Variants in MYO7A observed in about 807,000 individuals in gnomAD.
MYO7A encodes the protein unconventional myosin-VIIa.
MYO7A carries 210 observed loss-of-function variants against 263.8 expected under a neutral mutation model. That is an observed-to-expected ratio of 0.80 (90% CI 0.71 to 0.89). The LOEUF (loss-of-function observed/expected upper bound fraction) is 0.89, where lower values mean the gene tolerates loss of function less well. MYO7A is among the 40% of genes least tolerant of loss of function. MYO7A has a pLI of 0.00. For missense variants in MYO7A, 2,820 were observed against 2,968.3 expected (o/e 0.95, Z 1.16); for synonymous variants, 1,239 against 1,197.3 (o/e 1.03, Z -0.72).
chr11:77,144,423 G>A (rs376916368), intron 3 of MYO7A, among the ~76,000 whole-genome samples: 226 of 152,276 alleles, frequency 1.5e-3, no homozygotes, highest in African/African-American at 4.8e-3. Flanking sequence ...CCGTAACTGC[G>A]TCACCGAATC....
intron 2 of MYO7A, 50 bp downstream of exon 2, chr11:77,130,702 C>A: frequency 6.2e-7 from 1 of 1,602,602 alleles, no homozygotes. Flanking sequence ...GGCCATATCC[C>A]CTCATCCATA....
intron 18 of MYO7A, 143 bp from the exon 19 acceptor site, chr11:77,177,406 G>T: frequency 1.5e-6 from 1 of 671,662 alleles, no homozygotes. Flanking sequence ...TGCCCCAGGG[G>T]CCAGAGCCAG....
intron 48 of MYO7A, among the ~76,000 whole-genome samples, chr11:77,214,252 C>A (rs553928031): frequency 2.0e-5 from 3 of 152,292 alleles, no homozygotes; most frequent in Middle Eastern, 3.4e-3. Context: ...AGCCCTTTAG[C>A]CCCCCGAGTT....
At chr11:77,158,179 T>C in intron 8 of MYO7A, 98 bp from the exon 9 acceptor site, 1 of 1,378,100 alleles carries the variant, frequency 7.3e-7, no homozygotes, top group Non-Finnish European at 9.6e-7. Context: ...GCCTGGCCTG[T>C]CAGGCAGAAA....
intron 1 of MYO7A, 26 bp from the exon 2 acceptor site, chr11:77,130,563 G>A (rs782628098): frequency 3.7e-5 from 59 of 1,582,850 alleles, no homozygotes; most frequent in Non-Finnish European, 4.9e-5. Flanking sequence ...CTGCCCAGAA[G>A]CATGACATGG....
chr11:77,182,323 G>C, intron 24 of MYO7A, 101 bp from the exon 25 acceptor site: 1 of 1,451,312 alleles, frequency 6.9e-7, no homozygotes, highest in South Asian at 1.4e-5. Context: ...CTGACCATGC[G>C]GGAGGGGGTG....
intron 27 of MYO7A, among the ~76,000 whole-genome samples, chr11:77,186,610 T>G (rs1453858376): frequency 6.6e-6 from 1 of 152,240 alleles, no homozygotes; most frequent in Non-Finnish European, 1.5e-5. Context: ...GCAACTTCCT[T>G]ACCTCTCTCA....
chr11:77,158,154 TG>T, intron 8 of MYO7A, 122 bp from the exon 9 acceptor site: 1 of 1,156,662 alleles, frequency 8.6e-7, no homozygotes, highest in Non-Finnish European at 1.2e-6. Flanking sequence ...GGTCAGCGCC[TG>T]GGGCCCCGGG....
chr11:77,212,063 G>T, intron 46 of MYO7A, 126 bp downstream of exon 46: 1 of 809,794 alleles, frequency 1.2e-6, no homozygotes. Context: ...AGGGAAGGAG[G>T]GCAGCACCCT....
At position 77,204,176 on chromosome 11, in the gene MYO7A, G is replaced by A. The variant is rs1236366063; in HGVS notation, c.5427G>A (p.Leu1809=). ...AGGGTCCCCTGAAAGCCGAGCCCCT[G>A]AAGGACGAGGCATATGTGCAGATCC... is the stretch of plus-strand genomic sequence containing the variant. ...IFEGPLKAEP[L]KDEAYVQILK... Residue 1809 remains leucine, a synonymous_variant, in exon 39 of 49, where the codon CTG becomes CTA. Transcript: ENST00000409709. The A allele has an allele frequency of 6.3e-7, 1 of 1,587,868 alleles. No homozygotes were observed.
intron 4 of MYO7A, among the ~76,000 whole-genome samples, chr11:77,154,207 G>A (rs1952230039): frequency 1.3e-5 from 2 of 152,214 alleles, no homozygotes; most frequent in African/African-American, 4.8e-5. Context: ...AGGGAGGTGG[G>A]TGTTAACCTC....
At chr11:77,184,438 C>T in intron 26 of MYO7A, 150 bp from the exon 27 acceptor site, 1 of 677,014 alleles carries the variant, frequency 1.5e-6, no homozygotes, top group South Asian at 1.8e-5. Context: ...GTGCACGTGG[C>T]AGGGGTAATG....
chr11:77,183,328 G>A (rs1052542004), intron 26 of MYO7A, among the ~76,000 whole-genome samples, 171 bp downstream of exon 26: 3 of 152,116 alleles, frequency 2.0e-5, no homozygotes, highest in African/African-American at 4.8e-5. Flanking sequence ...GTTGGTGGGC[G>A]ATCAGGCAGA....
chr11:77,145,686 A>C (rs12808416), intron 3 of MYO7A, among the ~76,000 whole-genome samples: 14,178 of 152,244 alleles, frequency 0.093, 771 homozygotes, highest in Middle Eastern at 0.24. Flanking sequence ...CAGGTTCCCT[A>C]ACAGTACCCA....
chr11:77,139,324 A>T (rs1951064745), intron 2 of MYO7A: 1 of 152,226 alleles, frequency 6.6e-6, no homozygotes, highest in Non-Finnish European at 1.5e-5. Context: ...CCATTCTAGG[A>T]AGGCACGACT....
rs531908344 is a variant in MYO7A, at chr11:77,204,178, A to G, written c.5429A>G (p.Lys1810Arg). Residue 1810 changes from lysine to arginine, a missense_variant, in exon 39 of 49, where the codon AAG becomes AGG. By Grantham distance (26) the Lys-to-Arg change is conservative (BLOSUM62 2). Coordinates refer to ENST00000409709, the MANE Select transcript of MYO7A (RefSeq NM_000260.4). ...GGTCCCCTGAAAGCCGAGCCCCTGA[A>G]GGACGAGGCATATGTGCAGATCCTG... ...FEGPLKAEPL[K>R]DEAYVQILKQ... 6.3e-7 allele frequency: 1 copy of G among 1,587,618 alleles called. No individual in the cohort carries two copies. Among genetic ancestry groups the G allele is most frequent in the South Asian group, 1.2e-5 (1 of 86,476 alleles).
chr11:77,195,991 G>A (rs1956632483), intron 32 of MYO7A, among the ~76,000 whole-genome samples: 1 of 152,244 alleles, frequency 6.6e-6, no homozygotes, highest in African/African-American at 2.4e-5. Flanking sequence ...GCACGTCTGA[G>A]TCCAAATATC....
chr11:77,170,711 C>G (rs1472549983), intron 15 of MYO7A, among the ~76,000 whole-genome samples: 1 of 152,046 alleles, frequency 6.6e-6, no homozygotes, highest in Admixed American at 6.6e-5. Context: ...CTCCCCAGTC[C>G]CAGGGGAGGT....
At chr11:77,175,218 CTG>C (rs1437087550) in intron 17 of MYO7A, among the ~76,000 whole-genome samples, 152 bp from the exon 18 acceptor site, 1 of 152,182 alleles carries the variant, frequency 6.6e-6, no homozygotes, top group Non-Finnish European at 1.5e-5. Flanking sequence ...AAGGAGAAAA[CTG>C]GGGCTCAGAG....
Sources: allele counts gnomAD v4.1 joint callset (sites outside exome capture counted in the v4.1 genomes callset), GRCh38; gene constraint gnomAD v4.1.1; transcripts MANE v1.5; gene names NCBI Gene and HGNC (gene_info 2026-07-23, HGNC 2026-07-21).